DNAJC1: variants seen among roughly 807,000 people sequenced by gnomAD.
DNAJC1 encodes DnaJ heat shock protein family (Hsp40) member C1.
DNAJC1 carries 58 observed loss-of-function variants against 76.6 expected under a neutral mutation model. That is an observed-to-expected ratio of 0.76 (90% CI 0.61 to 0.94). The LOEUF (loss-of-function observed/expected upper bound fraction) is 0.94, where lower values mean the gene tolerates loss of function less well. DNAJC1 is among the 40% of genes least tolerant of loss of function. The pLI, the probability that DNAJC1 is intolerant of heterozygous loss-of-function variation, is 0.00. For synonymous variants in DNAJC1, 258 were observed against 267.9 expected (o/e 0.96, Z 0.36); for missense variants, 689 against 677.3 (o/e 1.02, Z -0.19).
chr10:21,864,877 T>C (rs1835972574), intron 8 of DNAJC1, among the ~76,000 whole-genome samples: 1 of 152,052 alleles, frequency 6.6e-6, no homozygotes, highest in African/African-American at 2.4e-5. Context: ...TAACAAACTC[T>C]TAAACTGAGC....
intron 1 of DNAJC1, among the ~76,000 whole-genome samples, chr10:21,978,405 G>A (rs1031986934): frequency 2.6e-5 from 4 of 152,220 alleles, no homozygotes; most frequent in Admixed American, 6.5e-5. Context: ...AAGTCGATTA[G>A]CAAGTGAAAA....
At chr10:21,916,317 G>A (rs185949196) in intron 6 of DNAJC1, among the ~76,000 whole-genome samples, 84 of 152,046 alleles carry the variant, frequency 5.5e-4, no homozygotes, top group African/African-American at 1.9e-3. Context: ...GTGAAACCCC[G>A]TCTCTACTAA....
At chr10:21,860,888 C>A (rs1023917811) in intron 8 of DNAJC1, 1 of 152,252 alleles carries the variant, frequency 6.6e-6, no homozygotes, top group South Asian at 2.1e-4. Context: ...AATGTGTGCA[C>A]ATTTCTATGG....
rs536461302 is a variant in DNAJC1, at chr10:21,931,811, T to C, written c.223-2670A>G. Among the ~76,000 whole-genome samples, 45 of 152,338 alleles carry C rather than the reference T, an allele frequency of 3.0e-4. 1 individual carries two copies. In the South Asian group the frequency reaches 9.3e-3, roughly 32 times the overall value. ...CCCATATTCACTGGATTAGATGTTTTATCTCTCCAGCTTGGAGTGAAAATT... is the reference window on the plus strand; with the variant it reads ...CCCATATTCACTGGATTAGATGTTTCATCTCTCCAGCTTGGAGTGAAAATT... On this transcript the variant is annotated intron_variant, in intron 1 of 11. Coordinates refer to ENST00000376980, the MANE Select transcript of DNAJC1 (RefSeq NM_022365.4).
At chr10:21,920,273 GATAA>G (rs1315477606) in intron 4 of DNAJC1, among the ~76,000 whole-genome samples, 1 of 151,944 alleles carries the variant, frequency 6.6e-6, no homozygotes, top group Non-Finnish European at 1.5e-5. Flanking sequence ...CATGAATACT[GATAA>G]ATATGTTTGA....
intron 1 of DNAJC1, among the ~76,000 whole-genome samples, chr10:21,951,195 C>G (rs1376654966): frequency 6.6e-6 from 1 of 152,048 alleles, no homozygotes; most frequent in Non-Finnish European, 1.5e-5. Flanking sequence ...TGGTACGCAC[C>G]TGTAATCCCA....
intron 1 of DNAJC1, among the ~76,000 whole-genome samples, chr10:21,948,446 TA>T (rs1233219425): frequency 1.3e-5 from 2 of 152,168 alleles, no homozygotes; most frequent in Non-Finnish European, 2.9e-5. Context: ...TTATTGAAAT[TA>T]ATGTGGAAAT....
At chr10:21,816,883 G>A (rs1285820232) in intron 8 of DNAJC1, among the ~76,000 whole-genome samples, 2 of 143,596 alleles carry the variant, frequency 1.4e-5, no homozygotes, top group Admixed American at 6.8e-5. Flanking sequence ...TGCCGGGCGC[G>A]GTGGCTCACG....
intron 9 of DNAJC1, among the ~76,000 whole-genome samples, chr10:21,797,806 C>T (rs973155575): frequency 7.2e-5 from 11 of 152,156 alleles, no homozygotes; most frequent in African/African-American, 9.7e-5. Flanking sequence ...CCTTGCCAGA[C>T]GTGGGCCCCT....
At chr10:21,856,390 A>T (rs189126276) in intron 8 of DNAJC1, among the ~76,000 whole-genome samples, 2 of 152,314 alleles carry the variant, frequency 1.3e-5, no homozygotes, top group East Asian at 3.9e-4. Context: ...GGATATTTAC[A>T]TCTATTGTTG....
At chr10:21,869,663 G>T (rs1378561552) in intron 8 of DNAJC1, among the ~76,000 whole-genome samples, 1 of 151,972 alleles carries the variant, frequency 6.6e-6, no homozygotes, top group Non-Finnish European at 1.5e-5. Context: ...TTCATCAACA[G>T]GTGTGATTAT....
chr10:21,807,333 A>C (rs1028602638), intron 8 of DNAJC1, among the ~76,000 whole-genome samples: 8 of 152,074 alleles, frequency 5.3e-5, no homozygotes, highest in African/African-American at 1.9e-4. Flanking sequence ...CCCTGACACT[A>C]ATCCTCCCTG....
chr10:21,907,358 A>C (rs1237255109), intron 6 of DNAJC1, among the ~76,000 whole-genome samples: 1 of 151,512 alleles, frequency 6.6e-6, no homozygotes, highest in Non-Finnish European at 1.5e-5. Context: ...AAATTACAAT[A>C]TGCCCACTCC....
At chr10:21,762,319 C>CA (rs1299036835) in intron 10 of DNAJC1, among the ~76,000 whole-genome samples, 15 of 152,158 alleles carry the variant, frequency 9.9e-5, no homozygotes, top group African/African-American at 3.6e-4. Flanking sequence ...TGACATGAAA[C>CA]ATTCTAATGA....
At chr10:21,936,863 G>A (rs1837320183) in intron 1 of DNAJC1, among the ~76,000 whole-genome samples, 1 of 152,008 alleles carries the variant, frequency 6.6e-6, no homozygotes, top group Admixed American at 6.6e-5. Context: ...TGGAAGAACT[G>A]GAGAACAAAG....
At chr10:21,934,641 T>C (rs1837282925) in intron 1 of DNAJC1, among the ~76,000 whole-genome samples, 1 of 152,192 alleles carries the variant, frequency 6.6e-6, no homozygotes. Flanking sequence ...TACAACTGCC[T>C]ACAGTGTTCA....
At chr10:21,930,598 G>C (rs1252770142) in intron 1 of DNAJC1, among the ~76,000 whole-genome samples, 1 of 152,162 alleles carries the variant, frequency 6.6e-6, no homozygotes, top group African/African-American at 2.4e-5. Flanking sequence ...TGTTGCTCCA[G>C]ACTAGTATGT....
At chr10:21,785,221 A>G (rs1834589695) in intron 9 of DNAJC1, 2 of 152,346 alleles carry the variant, frequency 1.3e-5, no homozygotes, top group Admixed American at 1.3e-4. Context: ...CTTAAGCTGC[A>G]TTACTGCCAA....
chr10:21,774,135 C>A (rs1434476299), intron 9 of DNAJC1, among the ~76,000 whole-genome samples: 1 of 131,492 alleles, frequency 7.6e-6, no homozygotes, highest in African/African-American at 2.9e-5. Context: ...AGCGAGACTC[C>A]GTCTCAAAAA....
Sources: gnomAD v4.1 joint callset for allele counts (sites outside exome capture counted in the v4.1 genomes callset) on GRCh38, gnomAD v4.1.1 for gene constraint, MANE v1.5 for transcripts, NCBI Gene and HGNC (gene_info 2026-07-23, HGNC 2026-07-21) for gene names.